NLGN1: variants seen among roughly 807,000 people sequenced by gnomAD.
NLGN1 encodes neuroligin-1.
In NLGN1, 12 loss-of-function variants were observed where a neutral mutation model predicts 65.5. The observed-to-expected ratio is 0.18, with a 90% CI of 0.12 to 0.30. The LOEUF is 0.30. Ranked by LOEUF, NLGN1 falls within the 10% of genes least tolerant of loss-of-function variation. The probability of loss-of-function intolerance (pLI) is 1.00; values close to 1 mark genes in which losing one functional copy is unlikely to be tolerated. For synonymous variants in NLGN1, 350 were observed against 359.5 expected (o/e 0.97, Z 0.30); for missense variants, 750 against 1,007.1 (o/e 0.74, Z 3.46).
intron 2 of NLGN1, among the ~76,000 whole-genome samples, chr3:173,594,079 T>C (rs1408548938): frequency 2.0e-5 from 3 of 152,152 alleles, no homozygotes; most frequent in Non-Finnish European, 4.4e-5. Context: ...ATTCTGCCCC[T>C]GGCCCCTCCA....
chr3:173,445,516 C>G (rs1355004029), intron 2 of NLGN1, among the ~76,000 whole-genome samples: 1 of 152,160 alleles, frequency 6.6e-6, no homozygotes, highest in Non-Finnish European at 1.5e-5. Context: ...GATCTCATAG[C>G]TAGTACATGG....
intron 4 of NLGN1, among the ~76,000 whole-genome samples, chr3:174,241,569 C>T (rs1230592824): frequency 6.6e-6 from 1 of 151,290 alleles, no homozygotes; most frequent in Admixed American, 6.6e-5. Context: ...TCAACACAGT[C>T]TTTATTCTCA....
intron 4 of NLGN1, among the ~76,000 whole-genome samples, chr3:173,815,244 AC>A (rs1718796008): frequency 1.3e-5 from 2 of 151,440 alleles, no homozygotes; most frequent in African/African-American, 2.4e-5. Flanking sequence ...CCAAGTAGGT[AC>A]TACAGGCGCC....
rs572201838 is a variant in NLGN1, at chr3:174,014,845, A to C, written c.646+207013A>C. On this transcript the variant is annotated intron_variant, in intron 4 of 6. Transcript: ENST00000457714. ...AATCAAGCGAGGGATCATGTAAAGC[A>C]CTTGGCTCAGTTCCTGACCCCAAGT... Among the ~76,000 whole-genome samples, 8 of 152,266 alleles carry C rather than the reference A, an allele frequency of 5.3e-5. No individual in the cohort carries two copies. The South Asian group carries it at 1.7e-3, about 32-fold the overall frequency.
chr3:173,700,205 T>A (rs925859369), intron 3 of NLGN1, among the ~76,000 whole-genome samples: 1 of 152,222 alleles, frequency 6.6e-6, no homozygotes, highest in Non-Finnish European at 1.5e-5. Flanking sequence ...TTATTGTAAA[T>A]GCGTTCATAT....
intron 4 of NLGN1, among the ~76,000 whole-genome samples, chr3:173,978,878 A>C (rs1372975052): frequency 1.3e-5 from 2 of 150,846 alleles, no homozygotes; most frequent in African/African-American, 4.9e-5. Flanking sequence ...TGTGGCAGAC[A>C]TCTGTAATCC....
chr3:174,038,030 C>T (rs978084841), intron 4 of NLGN1, among the ~76,000 whole-genome samples: 5 of 152,142 alleles, frequency 3.3e-5, no homozygotes, highest in Middle Eastern at 3.4e-3. Flanking sequence ...CAAATACATT[C>T]GCAAATATGG....
intron 3 of NLGN1, chr3:173,695,476 A>T: frequency 4.1e-6 from 1 of 245,216 alleles, no homozygotes; most frequent in South Asian, 5.2e-5. Flanking sequence ...TTTTCAATCC[A>T]TTTATTCTGA....
intron 4 of NLGN1, among the ~76,000 whole-genome samples, chr3:174,226,770 T>G (rs1739795809): frequency 6.6e-6 from 1 of 152,186 alleles, no homozygotes; most frequent in Non-Finnish European, 1.5e-5. Flanking sequence ...AAAAATGACT[T>G]GCTGAGGTGT....
At chr3:173,501,527 A>G (rs1731118062) in intron 2 of NLGN1, among the ~76,000 whole-genome samples, 1 of 152,052 alleles carries the variant, frequency 6.6e-6, no homozygotes, top group Non-Finnish European at 1.5e-5. Flanking sequence ...TCTTTATCAT[A>G]ATACAGTAGT....
intron 3 of NLGN1, among the ~76,000 whole-genome samples, chr3:173,727,671 A>G (rs1033987862): frequency 6.6e-6 from 1 of 152,120 alleles, no homozygotes; most frequent in African/African-American, 2.4e-5. Context: ...CCAGTCCACA[A>G]GTATATATAT....
chr3:173,814,181 G>C (rs769804051), intron 4 of NLGN1, among the ~76,000 whole-genome samples: 3 of 152,216 alleles, frequency 2.0e-5, no homozygotes, highest in Non-Finnish European at 2.9e-5. Context: ...CTTCATAAGT[G>C]CTCATAACTT....
chr3:173,484,718 C>T (rs9290470), intron 2 of NLGN1, among the ~76,000 whole-genome samples: 2,880 of 152,036 alleles, frequency 0.019, 87 homozygotes, highest in African/African-American at 0.066. Context: ...TATTGCTGAT[C>T]GTATTATAAA....
At chr3:173,408,967 T>C (rs989875916) in intron 1 of NLGN1, among the ~76,000 whole-genome samples, 1 of 149,302 alleles carries the variant, frequency 6.7e-6, no homozygotes, top group Non-Finnish European at 1.5e-5. Context: ...TAACTCAAAA[T>C]ACGCTGGGAA....
intron 3 of NLGN1, among the ~76,000 whole-genome samples, chr3:173,688,870 T>C (rs2149814049): frequency 6.6e-6 from 1 of 152,348 alleles, no homozygotes; most frequent in South Asian, 2.1e-4. Flanking sequence ...ATTAAAATGG[T>C]GCCAAGGAGT....
intron 3 of NLGN1, among the ~76,000 whole-genome samples, chr3:173,775,447 G>T (rs1356411851): frequency 6.6e-6 from 1 of 151,876 alleles, no homozygotes; most frequent in Non-Finnish European, 1.5e-5. Context: ...GTTATCTGGG[G>T]TAAAGTATTA....
intron 4 of NLGN1, among the ~76,000 whole-genome samples, chr3:174,256,792 C>G (rs553190043): frequency 1.3e-5 from 2 of 151,786 alleles, no homozygotes; most frequent in African/African-American, 2.4e-5. Context: ...ATGTAAAACC[C>G]AAAACTGTAG....
At chr3:174,129,353 CAACACACACACA>C (rs1719662479) in intron 4 of NLGN1, among the ~76,000 whole-genome samples, 1 of 83,800 alleles carries the variant, frequency 1.2e-5, no homozygotes, top group African/African-American at 4.0e-5. Flanking sequence ...CCCCGGTTTA[CAACACACACACA>C]CACACACACA....
chr3:173,728,021 T>TG (rs1226249385), intron 3 of NLGN1, among the ~76,000 whole-genome samples: 1 of 152,042 alleles, frequency 6.6e-6, no homozygotes, highest in Non-Finnish European at 1.5e-5. Flanking sequence ...ATTGATGGCT[T>TG]GGGGAATATG....
Sources: allele counts gnomAD v4.1 joint callset (sites outside exome capture counted in the v4.1 genomes callset), GRCh38; gene constraint gnomAD v4.1.1; transcripts MANE v1.5; gene names NCBI Gene and HGNC (gene_info 2026-07-23, HGNC 2026-07-21).